MTTP: variants seen among roughly 807,000 people sequenced by gnomAD.
The protein encoded by MTTP is microsomal triglyceride transfer protein.
MTTP carries 49 observed loss-of-function variants against 90.6 expected under a neutral mutation model. The observed-to-expected ratio is 0.54, with a 90% CI of 0.43 to 0.69. The LOEUF is 0.69. MTTP is among the 30% of genes least tolerant of loss of function. The pLI is 0.00. For missense variants in MTTP, 945 were observed against 1,067.5 expected, an observed-to-expected ratio of 0.89 and a Z score of 1.60; for synonymous variants, 347 against 384.2, an observed-to-expected ratio of 0.90 and a Z score of 1.13.
intron 11 of MTTP, among the ~76,000 whole-genome samples, chr4:99,607,406 A>G (rs2110229138): frequency 6.6e-6 from 1 of 152,326 alleles, no homozygotes; most frequent in East Asian, 1.9e-4. Context: ...TTTCCAGTTT[A>G]TAGCTAAGCA....
Position 99,611,206 on chromosome 4 carries a change from T to C in MTTP, c.1833T>C (p.Ser611=). ...VAHNYDRFSR[S]GSSSAYTGYI... ...ACAATTATGACCGTTTCTCCAGGAG[T>C]GGATCTTCTTCTGCCTACACTGGCT... Residue 611 remains serine (S), a synonymous_variant, in exon 13 of 18, where the codon AGT becomes AGC. Coordinates refer to ENST00000265517, the MANE Select transcript of MTTP (RefSeq NM_001386140.1). 6.2e-7 allele frequency: 1 copy of C among 1,613,742 alleles called. No homozygotes were observed. The highest frequency in any genetic ancestry group is 8.5e-7 in the Non-Finnish European group (1 of 1,179,892).
intron 1 of MTTP, among the ~76,000 whole-genome samples, chr4:99,565,565 A>G (rs1049565425): frequency 3.3e-5 from 5 of 152,226 alleles, no homozygotes; most frequent in Admixed American, 6.5e-5. Context: ...ATCGAGTTCT[A>G]TGCGTTTTGT....
At chr4:99,619,918 TA>T (rs1726188144) in intron 16 of MTTP, among the ~76,000 whole-genome samples, 1 of 152,210 alleles carries the variant, frequency 6.6e-6, no homozygotes. Flanking sequence ...GCTTCCCACA[TA>T]ATCAGTCATC....
intron 10 of MTTP, among the ~76,000 whole-genome samples, chr4:99,604,472 A>G (rs750217417): frequency 1.3e-5 from 2 of 152,196 alleles, no homozygotes; most frequent in African/African-American, 2.4e-5. Context: ...AGAATAGTAC[A>G]ATTCCATGAA....
intron 16 of MTTP, among the ~76,000 whole-genome samples, chr4:99,620,106 T>C (rs1416920255): frequency 6.6e-6 from 1 of 152,218 alleles, no homozygotes; most frequent in Non-Finnish European, 1.5e-5. Flanking sequence ...CCAATCTGTC[T>C]TCCATTTCCA....
In MTTP at chr4:99,582,062, T is replaced by C. The variant is rs1243210885; in HGVS notation, c.219T>C (p.Asp73=). ...VDVALLWRNP[D]GDDDQLIQIT... ...TGGCCTTACTATGGAGGAATCCTGA[T>C]GGTGATGATGACCAGTTGATCCAAA... Residue 73 remains aspartate, a synonymous_variant, in exon 2 of 18, where the codon GAT becomes GAC. Transcript: ENST00000265517. The C allele has an allele frequency of 1.9e-6, 3 of 1,614,052 alleles. No individual in the cohort carries two copies. In the Admixed American group the frequency reaches 5.0e-5, roughly 27 times the overall value.
At chr4:99,590,474 A>C (rs1725387858) in intron 4 of MTTP, among the ~76,000 whole-genome samples, 1 of 152,140 alleles carries the variant, frequency 6.6e-6, no homozygotes, top group Non-Finnish European at 1.5e-5. Context: ...AACACTGTTC[A>C]TTTTGCAAAA....
intron 15 of MTTP, among the ~76,000 whole-genome samples, chr4:99,617,702 C>T (rs146666974): frequency 9.6e-4 from 146 of 152,062 alleles, no homozygotes; most frequent in African/African-American, 3.5e-3. Context: ...AACATCACCT[C>T]AACTAATGTA....
chr4:99,612,929 A>G lies in MTTP; in HGVS notation c.2006A>G (p.Gln669Arg), dbSNP rs1309109456. Reference sequence around the variant, plus strand: ...TTTATCCAGGTGGTTATTGAAGCCCAAGGACTGGAAGCCTTAATCGCAGCC... The same window carrying G: ...TTTATCCAGGTGGTTATTGAAGCCCGAGGACTGGAAGCCTTAATCGCAGCC... ...LHGSQVVIEA[Q>R]GLEALIAATP... Residue 669 changes from glutamine (Q) to arginine (R), a missense_variant, in exon 15 of 18, where the codon CAA becomes CGA. Transcript: ENST00000265517. 2 of 1,613,890 alleles carry G rather than the reference A, an allele frequency of 1.2e-6. No individual in the cohort carries two copies. The highest frequency in any genetic ancestry group is 2.7e-5 in the African/African-American group (2 of 74,916).
rs1725992677 is a variant in MTTP, at chr4:99,612,801, T to C, written c.1990-112T>C. 5.3e-6 allele frequency: 5 copies of C among 950,712 alleles called. No individual in the cohort carries two copies. In the South Asian group the frequency reaches 5.3e-5, roughly 10 times the overall value. 58.9% of individuals were successfully genotyped at this position (950,712 alleles called of 1,614,324 possible). ...AGTTTTTGTTTTTAGCTGTTGCAAA[T>C]ATTTAAGTTTTTGGCCCCTTGAGAA... On this transcript the variant is annotated intron_variant, in intron 14 of 17. Coordinates refer to ENST00000265517, the MANE Select transcript of MTTP (RefSeq NM_001386140.1).
intron 8 of MTTP, among the ~76,000 whole-genome samples, chr4:99,598,947 G>GCCA (rs1019923463): frequency 2.0e-5 from 3 of 152,158 alleles, no homozygotes; most frequent in African/African-American, 7.2e-5. Flanking sequence ...ACAGGCGTGA[G>GCCA]CCACCGCACA....
At chr4:99,583,676 A>G (rs1725184800) in intron 3 of MTTP, 159 bp downstream of exon 3, 1 of 898,288 alleles carries the variant, frequency 1.1e-6, no homozygotes, top group Non-Finnish European at 1.8e-6. Context: ...AATGTTTCCA[A>G]ACTGAATCAA....
intron 3 of MTTP, among the ~76,000 whole-genome samples, chr4:99,584,737 C>T (rs537666879): frequency 6.6e-6 from 1 of 152,272 alleles, no homozygotes; most frequent in African/African-American, 2.4e-5. Context: ...GCAGCTCACT[C>T]ATGACCCTTA....
Position 99,583,526 on chromosome 4 carries a change from G to T in MTTP, c.393+9G>T, listed in dbSNP as rs201722396. On this transcript the variant is annotated intron_variant, in intron 3 of 17. Transcript: ENST00000265517. ...ATCTAATCCATGGAAAGGTAAAGGG[G>T]CGTTTAGATTCCACAACTTTTTCTC... The T allele has an allele frequency of 6.2e-7, 1 of 1,613,484 alleles. No homozygotes were observed. Among genetic ancestry groups the T allele is most frequent in the Non-Finnish European group, 8.5e-7 (1 of 1,179,778 alleles).
intron 1 of MTTP, among the ~76,000 whole-genome samples, chr4:99,568,779 G>T (rs1724765757): frequency 6.6e-6 from 1 of 152,020 alleles, no homozygotes; most frequent in Non-Finnish European, 1.5e-5. Flanking sequence ...CCAACTGAAG[G>T]AACTCCCAGT....
upstream of MTTP, among the ~76,000 whole-genome samples, chr4:99,570,278 A>G (rs1364529353): frequency 3.9e-5 from 6 of 152,056 alleles, no homozygotes; most frequent in Admixed American, 2.6e-4. Flanking sequence ...TACAGAATAT[A>G]TATAGAATAC....
chr4:99,606,655 G>A (rs1426573650), intron 10 of MTTP, 93 bp from the exon 11 acceptor site: 1 of 1,262,342 alleles, frequency 7.9e-7, no homozygotes, highest in African/African-American at 1.5e-5. Flanking sequence ...TAAAACTGTA[G>A]GTTGCTTTCT....
chr4:99,609,312 C>A (rs895967618), intron 12 of MTTP, among the ~76,000 whole-genome samples: 5 of 152,172 alleles, frequency 3.3e-5, no homozygotes, highest in African/African-American at 1.2e-4. Context: ...TAAATTCTTA[C>A]CAAATGGTTT....
chr4:99,598,783 C>T (rs367863193), intron 8 of MTTP, among the ~76,000 whole-genome samples: 131 of 151,326 alleles, frequency 8.7e-4, no homozygotes, highest in African/African-American at 2.8e-3. Context: ...CCTGCCTCAG[C>T]CTCCCGAATA....
Sources: allele counts gnomAD v4.1 joint callset (sites outside exome capture counted in the v4.1 genomes callset), GRCh38; gene constraint gnomAD v4.1.1; transcripts MANE v1.5; gene names NCBI Gene and HGNC (gene_info 2026-07-23, HGNC 2026-07-21).